E2F4: variants seen among roughly 807,000 people sequenced by gnomAD.
E2F4 encodes the protein E2F transcription factor 4.
A neutral mutation model predicts 44.5 loss-of-function variants in E2F4; 16 were observed. The observed-to-expected ratio is 0.36, with a 90% CI of 0.24 to 0.55. The LOEUF (loss-of-function observed/expected upper bound fraction) is 0.55, where lower values mean the gene tolerates loss of function less well. E2F4 is among the 20% of genes least tolerant of loss of function. The pLI, the probability that E2F4 is intolerant of heterozygous loss-of-function variation, is 0.87. For missense variants in E2F4, 473 were observed against 522.1 expected, an observed-to-expected ratio of 0.91 and a Z score of 0.92; for synonymous variants, 242 against 207.2, an observed-to-expected ratio of 1.17 and a Z score of -1.44.
Position 67,197,874 on chromosome 16 carries a change from G to C in E2F4, c.1089G>C (p.Met363Ile). Residue 363 changes from methionine (M) to isoleucine (I), a missense_variant, in exon 9 of 10, where the codon ATG (methionine) becomes ATC (isoleucine). Coordinates refer to ENST00000379378, the MANE Select transcript of E2F4 (RefSeq NM_001950.4). ...AGCTCCCTCCATTCCCAGAGTGCAT[G>C]AGCTCGGAGCTGCTGGAGGAGTTGA... is the stretch of plus-strand genomic sequence containing the variant. ...SEIFDPTREC[M>I]SSELLEELMS... is the part of the protein sequence containing the mutation. 2 of 1,614,130 alleles carry C rather than the reference G, an allele frequency of 1.2e-6. No individual in the cohort carries two copies. The highest frequency in any genetic ancestry group is 1.7e-6 in the Non-Finnish European group (2 of 1,180,002).
intron 7 of E2F4, among the ~76,000 whole-genome samples, chr16:67,196,562 A>G (rs2142213736): frequency 6.6e-6 from 1 of 152,150 alleles, no homozygotes; most frequent in South Asian, 2.1e-4. Context: ...CGTGTCCTTA[A>G]ACATTGCTGT....
At chr16:67,194,173 G>A in intron 4 of E2F4, 1 of 549,248 alleles carries the variant, frequency 1.8e-6, no homozygotes, top group Non-Finnish European at 3.2e-6. Flanking sequence ...TGTGGCCAGT[G>A]ATCTTTCACT....
chr16:67,194,889 C>T lies in E2F4; in HGVS notation c.717C>T (p.Ala239=), dbSNP rs2032943132. ...CTGCCCTAGCCCAGTCCCAGGAAGCCTCACGTCCAAATAGTCCTCAGCTCA... is the reference window on the plus strand; with the variant it reads ...CTGCCCTAGCCCAGTCCCAGGAAGCTTCACGTCCAAATAGTCCTCAGCTCA... ...PKPALAQSQE[A]SRPNSPQLTP... The change falls in exon 6 of 10, where the codon GCC becomes GCT. Residue 239 remains alanine (A), a synonymous_variant. Transcript: ENST00000379378. The T allele has an allele frequency of 6.2e-7, 1 of 1,614,186 alleles. No homozygotes were observed. Among genetic ancestry groups the T allele is most frequent in the South Asian group, 1.1e-5 (1 of 91,086 alleles).
chr16:67,197,008 C>G (rs2032979817), intron 7 of E2F4, among the ~76,000 whole-genome samples: 1 of 152,208 alleles, frequency 6.6e-6, no homozygotes, highest in Non-Finnish European at 1.5e-5. Context: ...ACTAATCTTT[C>G]TGAAATGCAG....
Position 67,193,108 on chromosome 16 carries a change from C to A in E2F4, c.345C>A (p.Asp115Glu). ...EELQQREQELDQHKVWVQQSI... is the reference protein window; with the variant it reads ...EELQQREQELEQHKVWVQQSI... ...TGCAGCAGCGGGAGCAAGAACTAGA[C>A]CAGCACAAGGTGTGGGTGCAGCAGA... The change falls in exon 3 of 10, where the codon GAC becomes GAA. Residue 115 changes from aspartate to glutamate, a missense_variant. Coordinates refer to ENST00000379378, the MANE Select transcript of E2F4 (RefSeq NM_001950.4). 6.4e-7 allele frequency: 1 copy of A among 1,574,308 alleles called. No homozygotes were observed. The highest frequency in any genetic ancestry group is 1.4e-5 in the African/African-American group (1 of 73,972).
chr16:67,197,462 T>G (rs2032989166), intron 7 of E2F4, 137 bp from the exon 8 acceptor site: 1 of 833,098 alleles, frequency 1.2e-6, no homozygotes. Flanking sequence ...CAGTGCCAGC[T>G]TGGCCTAGGC....
rs1003867702 is a variant in E2F4 at position 67,192,251 on chromosome 16, G to C, written c.24G>C (p.Ala8=). 2 of 1,234,442 alleles carry C rather than the reference G, an allele frequency of 1.6e-6. No homozygotes were observed. Among genetic ancestry groups the C allele is most frequent in the Non-Finnish European group, 2.0e-6 (2 of 984,104 alleles). 76.5% of individuals were successfully genotyped at this position (1,234,442 alleles called of 1,614,324 possible). The change falls in exon 1 of 10, where the codon GCG becomes GCC. Residue 8 remains alanine (A), a synonymous_variant. Coordinates refer to ENST00000379378, the MANE Select transcript of E2F4 (RefSeq NM_001950.4). The stretch of plus-strand genomic sequence containing the variant: ...CGATGGCGGAGGCCGGGCCACAGGC[G>C]CCGCCGCCCCCGGGCACTCCAAGCC... MAEAGPQ[A]PPPPGTPSRH... is the part of the protein sequence containing the mutation.
chr16:67,193,241 G>T (rs1267613819), intron 3 of E2F4, 71 bp downstream of exon 3: 17 of 1,530,598 alleles, frequency 1.1e-5, no homozygotes, highest in Non-Finnish European at 1.4e-5. Flanking sequence ...CCTGAGTCCT[G>T]TTCCTCTTGG....
At chr16:67,193,296 C>T (rs2032917508) in intron 3 of E2F4, 126 bp downstream of exon 3, 3 of 1,494,232 alleles carry the variant, frequency 2.0e-6, no homozygotes, top group Admixed American at 3.6e-5. Context: ...CTCAGGCTCC[C>T]TCCTCAGAGC....
chr16:67,197,789 G>C (rs2032995702), intron 8 of E2F4, 78 bp from the exon 9 acceptor site: 1 of 1,607,670 alleles, frequency 6.2e-7, no homozygotes, highest in Non-Finnish European at 8.5e-7. Context: ...ATGGGCAGGT[G>C]GGGTTCCCTT....
rs1006297629 is a variant in E2F4, at chr16:67,194,235, G to A, written c.452-163G>A. 4 of 685,600 alleles carry A rather than the reference G, an allele frequency of 5.8e-6. No individual in the cohort carries two copies. In the African/African-American group the frequency reaches 7.2e-5, roughly 12 times the overall value. The allele number at this position is 685,600 out of a possible 1,614,324, so 42.5% of individuals were successfully genotyped here. A position where few individuals can be genotyped will look rare whatever the true frequency, so the allele number is the denominator to read the frequency against. On this transcript the variant is annotated intron_variant, in intron 4 of 9. Transcript: ENST00000379378. ...GTTACTGACCCTGGGCTCTCAGGAA[G>A]AGAAGAGCTTTAGCTCTGCCTGGCC...
rs773136774 is a variant in E2F4 at position 67,192,747 on chromosome 16, A to G, written c.136-14A>G. The stretch of plus-strand genomic sequence containing the variant: ...CCCAGAGTGGGGCTGAGCATTCTCC[A>G]TTCTCTCTGCCAGGCAGCTGACACC... On this transcript the variant is annotated splice_polypyrimidine_tract_variant and intron_variant, in intron 1 of 9. Coordinates refer to ENST00000379378, the MANE Select transcript of E2F4 (RefSeq NM_001950.4). 2.5e-6 allele frequency: 4 copies of G among 1,602,524 alleles called. No individual in the cohort carries two copies. Among genetic ancestry groups the G allele is most frequent in the South Asian group, 1.1e-5 (1 of 89,390 alleles).
In E2F4 at chr16:67,192,805, C is replaced by T. The variant is rs201693553; in HGVS notation, c.180C>T (p.Asp60=). ...LAVRQKRRIY[D]ITNVLEGIGL... is the part of the protein sequence containing the mutation. ...TACGCCAGAAGCGGCGGATTTACGACATTACCAATGTTTTGGAAGGTATCG... is the reference window on the plus strand; with the variant it reads ...TACGCCAGAAGCGGCGGATTTACGATATTACCAATGTTTTGGAAGGTATCG... The change falls in exon 2 of 10, where the codon GAC becomes GAT. Residue 60 remains aspartate, a synonymous_variant. Transcript: ENST00000379378. 19 of 1,612,964 alleles carry T rather than the reference C, an allele frequency of 1.2e-5. No homozygotes were observed. The highest frequency in any genetic ancestry group is 6.7e-5 in the Admixed American group (4 of 59,804).
At chr16:67,193,230 C>A in intron 3 of E2F4, 60 bp downstream of exon 3, 1 of 1,535,794 alleles carries the variant, frequency 6.5e-7, no homozygotes, top group East Asian at 2.4e-5. Context: ...GTTCAACTTG[C>A]CCTGAGTCCT....
intron 4 of E2F4, 102 bp downstream of exon 4, chr16:67,193,617 T>G (rs2032923306): frequency 7.7e-7 from 1 of 1,293,102 alleles, no homozygotes; most frequent in Admixed American, 1.7e-5. Context: ...TTAAGAGGGT[T>G]TCTGGGGCCT....
Position 67,193,109 on chromosome 16 carries a change from C to G in E2F4, c.346C>G (p.Gln116Glu), listed in dbSNP as rs1279057259. The change falls in exon 3 of 10, where the codon CAG (glutamine) becomes GAG (glutamate). Residue 116 changes from glutamine (Q) to glutamate (E), a missense_variant. This residue lies in a region of E2F4 where 119 missense variants were observed against 175.6 expected (regional missense o/e 0.68). Transcript: ENST00000379378. ...GCAGCAGCGGGAGCAAGAACTAGAC[C>G]AGCACAAGGTGTGGGTGCAGCAGAG... is the stretch of plus-strand genomic sequence containing the variant. Reference protein sequence around the residue: ...ELQQREQELDQHKVWVQQSIR... With the variant: ...ELQQREQELDEHKVWVQQSIR... 5 of 1,574,334 alleles carry G rather than the reference C, an allele frequency of 3.2e-6. No homozygotes were observed. Among genetic ancestry groups the G allele is most frequent in the Non-Finnish European group, 4.3e-6 (5 of 1,159,588 alleles).
intron 3 of E2F4, 105 bp downstream of exon 3, chr16:67,193,275 C>T: frequency 6.6e-7 from 1 of 1,520,368 alleles, no homozygotes. Context: ...AGCCACTGGC[C>T]ATGGCCCAGC....
chr16:67,194,759 A>G lies in E2F4; in HGVS notation c.587A>G (p.Asn196Ser). 6.2e-7 allele frequency: 1 copy of G among 1,614,148 alleles called. No individual in the cohort carries two copies. The highest frequency in any genetic ancestry group is 8.5e-7 in the Non-Finnish European group (1 of 1,180,018). ...GGTCCCATTGAGGTTCTGCTGGTGA[A>G]CAAGGAGGCATGGAGCTCACCCCCT... ...VSGPIEVLLV[N>S]KEAWSSPPVA... The change falls in exon 6 of 10, where the codon AAC (asparagine) becomes AGC (serine). Residue 196 changes from asparagine to serine, a missense_variant. This residue lies in a region of E2F4 where 314 missense variants were observed against 315.6 expected (regional missense o/e 0.99). Coordinates refer to ENST00000379378, the MANE Select transcript of E2F4 (RefSeq NM_001950.4).
rs929141223 is a variant in E2F4 at position 67,194,563 on chromosome 16, G to T, written c.513+104G>T. 3.2e-6 allele frequency: 5 copies of T among 1,575,326 alleles called. No individual in the cohort carries two copies. The African/African-American group carries it at 4.0e-5, about 13-fold the overall frequency. On this transcript the variant is annotated intron_variant, in intron 5 of 9. Transcript: ENST00000379378. ...AAGTAGGGGGAGGCCTGGAGTTTGG[G>T]GTTATCTAGGAGGATGGGCATCCTG...
Sources: allele counts gnomAD v4.1 joint callset (sites outside exome capture counted in the v4.1 genomes callset), GRCh38; gene constraint gnomAD v4.1.1; regional missense constraint gnomAD v4.1.1; transcripts MANE v1.5; gene names NCBI Gene and HGNC (gene_info 2026-07-23, HGNC 2026-07-21).